The following VPS8 variants were observed in gnomAD, a reference collection of about 807,000 sequenced individuals.
VPS8 encodes the protein VPS8 subunit of CORVET complex, also known as vacuolar protein sorting-associated protein 8 homolog.
VPS8 carries 129 observed loss-of-function variants against 216.4 expected under a neutral mutation model. That is an observed-to-expected ratio of 0.60 (90% CI 0.52 to 0.69). The LOEUF (loss-of-function observed/expected upper bound fraction) is 0.69. Among genes scored for constraint, VPS8 ranks in the 30% least tolerant of loss-of-function variants. The pLI, the probability that VPS8 is intolerant of heterozygous loss-of-function variation, is 0.00. For synonymous variants in VPS8, 571 were observed against 565.4 expected (o/e 1.01, Z -0.14); for missense variants, 1,531 against 1,683.5 (o/e 0.91, Z 1.59).
chr3:184,894,367 C>T (rs1161972974), intron 22 of VPS8, among the ~76,000 whole-genome samples: 4 of 151,894 alleles, frequency 2.6e-5, no homozygotes, highest in African/African-American at 7.3e-5. Flanking sequence ...GGATTTAGGC[C>T]GGAAGGCTGG....
At position 184,894,866 on chromosome 3, in the gene VPS8, A is replaced by G; in HGVS notation, c.1945A>G (p.Met649Val). ...TGTTCATTTCCAAGATAAAAAATTA[A>G]TGGAAAATGTGGAAGCGCTCATTGT... ...LIVHFQDKKL[M>V]ENVEALIVHM... Residue 649 changes from methionine (M) to valine (V), a missense_variant, in exon 23 of 48, where the codon ATG becomes GTG. This residue lies in a region of VPS8 where 1,318 missense variants were observed against 1,468.4 expected (regional missense o/e 0.90). Coordinates refer to ENST00000625842, the MANE Select transcript of VPS8 (RefSeq NM_001009921.3). 6.2e-7 allele frequency: 1 copy of G among 1,610,290 alleles called. No individual in the cohort carries two copies. Among genetic ancestry groups the G allele is most frequent in the Non-Finnish European group, 8.5e-7 (1 of 1,178,334 alleles).
intron 39 of VPS8, among the ~76,000 whole-genome samples, chr3:184,967,907 A>G (rs1162747932): frequency 2.0e-5 from 3 of 152,050 alleles, no homozygotes; most frequent in Non-Finnish European, 2.9e-5. Flanking sequence ...CATTTTAACT[A>G]TTTTTGAGTA....
chr3:184,913,654 C>T, intron 26 of VPS8, 93 bp downstream of exon 26: 2 of 1,055,294 alleles, frequency 1.9e-6, no homozygotes, highest in South Asian at 3.5e-5. Flanking sequence ...CTATATAGTA[C>T]TTTTAATTTT....
intron 42 of VPS8, among the ~76,000 whole-genome samples, chr3:184,985,654 C>T (rs1024000506): frequency 1.6e-4 from 25 of 152,266 alleles, no homozygotes; most frequent in Admixed American, 3.9e-4. Flanking sequence ...CTGATTGACT[C>T]GGGGTGAGCA....
chr3:184,984,940 T>C (rs1750837008), intron 42 of VPS8, among the ~76,000 whole-genome samples: 1 of 152,190 alleles, frequency 6.6e-6, no homozygotes, highest in Admixed American at 6.5e-5. Flanking sequence ...AATCTAGAAG[T>C]CTCTTGATAT....
chr3:184,816,540 T>C (rs1469888098), intron 1 of VPS8, among the ~76,000 whole-genome samples: 1 of 152,206 alleles, frequency 6.6e-6, no homozygotes, highest in Non-Finnish European at 1.5e-5. Flanking sequence ...TAAATGTGCC[T>C]TCTTGGAAAG....
intron 46 of VPS8, among the ~76,000 whole-genome samples, chr3:185,030,035 T>C (rs1375844553): frequency 1.3e-5 from 2 of 152,236 alleles, no homozygotes; most frequent in Non-Finnish European, 2.9e-5. Context: ...ATACACATGG[T>C]TCCCTAGGAC....
chr3:184,886,545 A>G (rs1177798112), intron 22 of VPS8, among the ~76,000 whole-genome samples: 3 of 141,148 alleles, frequency 2.1e-5, no homozygotes, highest in African/African-American at 7.4e-5. Flanking sequence ...ACACATATGT[A>G]TACACACACA....
intron 37 of VPS8, among the ~76,000 whole-genome samples, chr3:184,962,702 G>A (rs979753989): frequency 2.7e-5 from 4 of 146,738 alleles, no homozygotes; most frequent in Admixed American, 1.4e-4. Flanking sequence ...TTCTGTTTTA[G>A]TTTACCATTC....
Position 184,857,480 on chromosome 3 carries a change from G to A in VPS8, c.1143+1662G>A, listed in dbSNP as rs545105467. On this transcript the variant is annotated intron_variant, in intron 14 of 47. Transcript: ENST00000625842. ...GTCCTTCAGTCTCTAGATCCAATAT[G>A]ATGAGAAGGCTTGTTTTTCCTTGAA... Among the ~76,000 whole-genome samples, 5 of 152,310 alleles carry A rather than the reference G, an allele frequency of 3.3e-5. No homozygotes were observed. The South Asian group carries it at 1.0e-3, about 32-fold the overall frequency.
chr3:184,888,040 T>C (rs1189703322), intron 22 of VPS8, among the ~76,000 whole-genome samples: 1 of 150,918 alleles, frequency 6.6e-6, no homozygotes, highest in East Asian at 2.0e-4. Context: ...CAGGCTGGAG[T>C]GCAGTGGCGT....
At chr3:184,897,071 G>A (rs76286735) in intron 23 of VPS8, among the ~76,000 whole-genome samples, 4,372 of 152,278 alleles carry the variant, frequency 0.029, 81 homozygotes, top group Non-Finnish European at 0.045. Context: ...ATCTTGCAGG[G>A]CAAGGTATAG....
intron 8 of VPS8, among the ~76,000 whole-genome samples, chr3:184,846,579 G>A (rs1723176302): frequency 6.6e-6 from 1 of 152,234 alleles, no homozygotes; most frequent in Non-Finnish European, 1.5e-5. Flanking sequence ...TTAAGTATTG[G>A]TGAATCAGAA....
intron 36 of VPS8, among the ~76,000 whole-genome samples, chr3:184,940,648 T>C (rs1019976423): frequency 6.6e-6 from 1 of 152,318 alleles, no homozygotes; most frequent in Non-Finnish European, 1.5e-5. Context: ...CACCTCTAAA[T>C]GTATTACCTT....
intron 36 of VPS8, among the ~76,000 whole-genome samples, chr3:184,941,149 A>G (rs907997291): frequency 2.7e-5 from 4 of 147,652 alleles, no homozygotes; most frequent in South Asian, 2.1e-4. Flanking sequence ...AGCAATTGTA[A>G]TATCAGCTTT....
Position 184,988,729 on chromosome 3 carries a change from T to C in VPS8, c.3586-5254T>C, listed in dbSNP as rs376536612. ...TTTGATTAGGAATACATTGAACTTATAGATCAAATGAAGAACTAACATTAT... is the reference window on the plus strand; with the variant it reads ...TTTGATTAGGAATACATTGAACTTACAGATCAAATGAAGAACTAACATTAT... On this transcript the variant is annotated intron_variant, in intron 42 of 47. Transcript: ENST00000625842. Among the ~76,000 whole-genome samples the C allele has an allele frequency of 5.3e-5, 8 of 152,336 alleles. No individual in the cohort carries two copies. In the East Asian group the frequency reaches 5.8e-4, roughly 11 times the overall value.
At chr3:184,933,986 A>C (rs1342706256) in intron 34 of VPS8, among the ~76,000 whole-genome samples, 2 of 152,222 alleles carry the variant, frequency 1.3e-5, no homozygotes, top group Non-Finnish European at 2.9e-5. Flanking sequence ...AAATTTTTTT[A>C]ACTTCGTGAT....
chr3:184,907,106 A>G (rs1384560463), intron 25 of VPS8, among the ~76,000 whole-genome samples: 1 of 152,226 alleles, frequency 6.6e-6, no homozygotes. Flanking sequence ...TTAGGAAGAC[A>G]TGAGACATCG....
At chr3:184,822,097 A>G (rs1257673579) in intron 1 of VPS8, among the ~76,000 whole-genome samples, 7 of 152,174 alleles carry the variant, frequency 4.6e-5, no homozygotes, top group Admixed American at 1.3e-4. Flanking sequence ...AAATTAACCA[A>G]GGTCACAGAT....
Sources: allele counts gnomAD v4.1 joint callset (sites outside exome capture counted in the v4.1 genomes callset), GRCh38; gene constraint gnomAD v4.1.1; regional missense constraint gnomAD v4.1.1; transcripts MANE v1.5; gene names NCBI Gene and HGNC (gene_info 2026-07-23, HGNC 2026-07-21).